PDE11A: variants seen among roughly 807,000 people sequenced by gnomAD.
PDE11A encodes dual 3',5'-cyclic-AMP and -GMP phosphodiesterase 11A.
PDE11A carries 100 observed loss-of-function variants against 100.5 expected under a neutral mutation model. The ratio of observed to expected loss-of-function variants is 1.00; its 90% CI spans 0.85 to 1.18. The LOEUF (loss-of-function observed/expected upper bound fraction) is 1.18, where lower values mean the gene tolerates loss of function less well. Among genes scored for constraint, PDE11A ranks in the 50% most tolerant of loss-of-function variants. PDE11A has a pLI of 0.00. For missense variants in PDE11A, 1,141 were observed against 1,152.6 expected (o/e 0.99, Z 0.15); for synonymous variants, 381 against 420.8 (o/e 0.91, Z 1.16).
intron 4 of PDE11A, among the ~76,000 whole-genome samples, chr2:177,892,460 G>A (rs1274851232): frequency 6.6e-6 from 1 of 152,168 alleles, no homozygotes; most frequent in Non-Finnish European, 1.5e-5. Context: ...CACAGATACA[G>A]CTATACAAAA....
At chr2:177,825,675 G>C (rs1467446221) in intron 6 of PDE11A, among the ~76,000 whole-genome samples, 1 of 152,186 alleles carries the variant, frequency 6.6e-6, no homozygotes, top group African/African-American at 2.4e-5. Flanking sequence ...AAGCAAGTAT[G>C]AAGGAAAGAA....
chr2:178,020,903 G>GT (rs1190324337), intron 1 of PDE11A, among the ~76,000 whole-genome samples: 12 of 147,404 alleles, frequency 8.1e-5, no homozygotes, highest in African/African-American at 2.5e-4. Flanking sequence ...TTAAGTCTTT[G>GT]TTTTTTTGTT....
chr2:177,774,845 A>C (rs2082357244), intron 9 of PDE11A, among the ~76,000 whole-genome samples: 1 of 152,208 alleles, frequency 6.6e-6, no homozygotes, highest in Non-Finnish European at 1.5e-5. Flanking sequence ...AATCACTGGA[A>C]TCTGTGTATA....
chr2:178,025,823 C>T (rs74917989), intron 1 of PDE11A, among the ~76,000 whole-genome samples: 1 of 152,250 alleles, frequency 6.6e-6, no homozygotes, highest in African/African-American at 2.4e-5. Flanking sequence ...GTCAGCTAAC[C>T]AGAAGGCACC....
chr2:177,690,871 A>C (rs182409699), intron 15 of PDE11A, among the ~76,000 whole-genome samples: 5 of 152,362 alleles, frequency 3.3e-5, no homozygotes, highest in Non-Finnish European at 7.4e-5. Context: ...GATCACAGAC[A>C]ACTTAGTGAC....
intron 9 of PDE11A, among the ~76,000 whole-genome samples, chr2:177,805,932 T>C (rs1218669705): frequency 6.6e-6 from 1 of 152,140 alleles, no homozygotes; most frequent in African/African-American, 2.4e-5. Context: ...AAAATTCCAG[T>C]CAAGAGAAGC....
chr2:178,059,281 G>A (rs958186929), intron 1 of PDE11A, among the ~76,000 whole-genome samples: 3 of 152,182 alleles, frequency 2.0e-5, no homozygotes, highest in Non-Finnish European at 4.4e-5. Context: ...GGTATGGGGA[G>A]AGTCAGTGTC....
chr2:177,687,357 A>AT (rs1189044197), intron 15 of PDE11A: 4 of 152,112 alleles, frequency 2.6e-5, no homozygotes, highest in Non-Finnish European at 5.9e-5. Context: ...TATCCTTATA[A>AT]TTTTACTAGG....
intron 1 of PDE11A, among the ~76,000 whole-genome samples, chr2:178,054,691 A>G (rs2086875473): frequency 6.6e-6 from 1 of 152,252 alleles, no homozygotes; most frequent in Non-Finnish European, 1.5e-5. Context: ...GGCAAAGGAT[A>G]TGAACAGACA....
At chr2:178,053,763 T>C (rs1241282923) in intron 1 of PDE11A, among the ~76,000 whole-genome samples, 1 of 152,088 alleles carries the variant, frequency 6.6e-6, no homozygotes, top group Non-Finnish European at 1.5e-5. Context: ...CCATTCACGA[T>C]TGCTATAAAG....
At chr2:177,728,268 A>C in intron 10 of PDE11A, 96 bp from the exon 11 acceptor site, 2 of 1,058,784 alleles carry the variant, frequency 1.9e-6, no homozygotes, top group East Asian at 2.4e-5. Context: ...TGCCACATAA[A>C]TCAGGCCTGA....
intron 5 of PDE11A, among the ~76,000 whole-genome samples, chr2:177,846,107 C>G (rs146107259): frequency 1.3e-5 from 2 of 152,022 alleles, no homozygotes; most frequent in Non-Finnish European, 2.9e-5. Flanking sequence ...AATGCAGAAT[C>G]GTAACACTGA....
At chr2:178,096,768 C>T (rs922774061) in intron 2 of PDE11A, among the ~76,000 whole-genome samples, 2 of 152,226 alleles carry the variant, frequency 1.3e-5, no homozygotes, top group Admixed American at 1.3e-4. Context: ...TTGGTCAAAA[C>T]CATTCAACAA....
Position 177,684,189 on chromosome 2 carries a change from G to A in PDE11A, c.2346-3286C>T, listed in dbSNP as rs1436616911. Among the ~76,000 whole-genome samples, 8 of 151,864 alleles carry A rather than the reference G, an allele frequency of 5.3e-5. No homozygotes were observed. The East Asian group carries it at 1.2e-3, about 22-fold the overall frequency. On this transcript the variant is annotated intron_variant, in intron 15 of 19. Coordinates refer to ENST00000286063, the MANE Select transcript of PDE11A (RefSeq NM_016953.4). ...GTAACAAGTCTTTATTAGGCTTTAC[G>A]GTCACATGATAATTGGGTGTTACTT...
intron 6 of PDE11A, among the ~76,000 whole-genome samples, chr2:177,832,429 G>A (rs2083325339): frequency 6.6e-6 from 1 of 152,146 alleles, no homozygotes; most frequent in African/African-American, 2.4e-5. Flanking sequence ...GATGCTTCCT[G>A]CCCTCGAACA....
intron 10 of PDE11A, among the ~76,000 whole-genome samples, chr2:177,745,065 C>T (rs1451881100): frequency 3.3e-5 from 5 of 152,094 alleles, no homozygotes; most frequent in Non-Finnish European, 5.9e-5. Context: ...CTCTGTATGC[C>T]CTCCTCATTT....
At chr2:177,629,713 A>G in intron 19 of PDE11A, 151 bp from the exon 20 acceptor site, 1 of 783,226 alleles carries the variant, frequency 1.3e-6, no homozygotes. Flanking sequence ...ATTTACAAGA[A>G]GTAAATATGC....
chr2:177,669,021 C>A (rs1404194308), intron 18 of PDE11A, among the ~76,000 whole-genome samples: 1 of 152,156 alleles, frequency 6.6e-6, no homozygotes, highest in Non-Finnish European at 1.5e-5. Flanking sequence ...ATCACCAGAA[C>A]CTAGTTCCCC....
intron 19 of PDE11A, among the ~76,000 whole-genome samples, chr2:177,643,080 T>G (rs2080168154): frequency 6.6e-6 from 1 of 152,222 alleles, no homozygotes; most frequent in Non-Finnish European, 1.5e-5. Context: ...CACCCAGTCT[T>G]GGGTATGTCT....
Sources: allele counts gnomAD v4.1 joint callset (sites outside exome capture counted in the v4.1 genomes callset), GRCh38; gene constraint gnomAD v4.1.1; transcripts MANE v1.5; gene names NCBI Gene and HGNC (gene_info 2026-07-23, HGNC 2026-07-21).